Variants in CYP27A1 observed in about 807,000 individuals in gnomAD.
CYP27A1 encodes sterol 26-hydroxylase, mitochondrial.
In CYP27A1, 46 loss-of-function variants were observed where a neutral mutation model predicts 58.2. That is an observed-to-expected ratio of 0.79 (90% CI 0.62 to 1.01). CYP27A1 has a LOEUF of 1.01. CYP27A1 is among the 50% of genes least tolerant of loss of function. The pLI is 0.00. For synonymous variants in CYP27A1, 274 were observed against 285.1 expected (o/e 0.96, Z 0.39); for missense variants, 704 against 687.0 (o/e 1.02, Z -0.28).
rs1943401336 is a variant in CYP27A1, at chr2:218,782,413, T to C, written c.231T>C (p.Tyr77=). Residue 77 remains tyrosine (Y), a synonymous_variant, in exon 1 of 9, where the codon TAT becomes TAC. Transcript: ENST00000258415. This position sits in a 1 kb window ranked among gnomAD's most constrained non-coding sequence, Gnocchi z 4.1. ...TCTTTCAGCTGTTCGTTCAAGGCTA[T>C]GCCCTGCAACTGCACCAGTTACAGG... The part of the protein sequence containing the change: ...RFFFQLFVQG[Y]ALQLHQLQVL... 3 of 1,614,220 alleles carry C rather than the reference T, an allele frequency of 1.9e-6. No individual in the cohort carries two copies. The highest frequency in any genetic ancestry group is 2.5e-6 in the Non-Finnish European group (3 of 1,180,028).
chr2:218,789,469 C>A (rs1559386201), intron 1 of CYP27A1, among the ~76,000 whole-genome samples: 2 of 152,212 alleles, frequency 1.3e-5, no homozygotes, highest in East Asian at 3.9e-4. Context: ...AAGTGACATA[C>A]AAAAAATGGA....
Position 218,812,670 on chromosome 2 carries a change from C to G in CYP27A1, c.765C>G (p.Thr255=), listed in dbSNP as rs1431924945. 4 of 1,614,234 alleles carry G rather than the reference C, an allele frequency of 2.5e-6. No homozygotes were observed. Among genetic ancestry groups the G allele is most frequent in the East Asian group, 4.5e-5 (2 of 44,892 alleles). The change falls in exon 4 of 9, where the codon ACC becomes ACG. Residue 255 remains threonine (T), a synonymous_variant. Coordinates refer to ENST00000258415, the MANE Select transcript of CYP27A1 (RefSeq NM_000784.4). Reference sequence around the variant, plus strand: ...TGTTCCAGAACTCACTCTATGCCACCTTCCTCCCCAAGTGGACTCGCCCCG... The same window carrying G: ...TGTTCCAGAACTCACTCTATGCCACGTTCCTCCCCAAGTGGACTCGCCCCG... ...GLMFQNSLYA[T]FLPKWTRPVL...
At position 218,813,038 on chromosome 2, in the gene CYP27A1, T is replaced by G. The variant is rs139944377; in HGVS notation, c.959T>G (p.Leu320Arg). 6.2e-7 allele frequency: 1 copy of G among 1,614,064 alleles called. No homozygotes were observed. Among genetic ancestry groups the G allele is most frequent in the African/African-American group, 1.3e-5 (1 of 74,932 alleles). The change falls in exon 5 of 9, where the codon CTC becomes CGC. Residue 320 changes from leucine to arginine, a missense_variant. Transcript: ENST00000258415. ...CACTTCTTACTGGCCAGTGGACAGC[T>G]CAGTCCTCGGGAGGCCATGGGCAGC... The part of the protein sequence containing the change: ...YLHFLLASGQ[L>R]SPREAMGSLP...
In CYP27A1 at chr2:218,793,427, G is replaced by A. The variant is rs141910246; in HGVS notation, c.255+10990G>A. 3.4e-3 allele frequency among the ~76,000 whole-genome samples: 522 copies of A among 152,238 alleles called. 3 individuals are homozygous for A. Among genetic ancestry groups the A allele is most frequent in the Middle Eastern group, 6.8e-3 (2 of 294 alleles). ...TGTACTCTTTGATAAAGGAGACTCA[G>A]TTTTCCGAACAATCAAAAGACATAA... On this transcript the variant is annotated intron_variant, in intron 1 of 8. Transcript: ENST00000258415.
intron 2 of CYP27A1, among the ~76,000 whole-genome samples, 189 bp downstream of exon 2, chr2:218,809,956 A>C (rs577759944): frequency 3.9e-5 from 6 of 152,284 alleles, no homozygotes; most frequent in African/African-American, 1.4e-4. Flanking sequence ...CCACTAATAA[A>C]TATTAGGTTG....
intron 1 of CYP27A1, among the ~76,000 whole-genome samples, chr2:218,785,097 G>T (rs1208761386): frequency 6.6e-6 from 1 of 152,320 alleles, no homozygotes; most frequent in East Asian, 1.9e-4. Context: ...CCCTGAGCTT[G>T]TTTTCCTGCA....
chr2:218,790,822 C>T (rs190008682), intron 1 of CYP27A1, among the ~76,000 whole-genome samples: 58 of 152,050 alleles, frequency 3.8e-4, no homozygotes, highest in African/African-American at 1.2e-3. Flanking sequence ...CTCAGCCTCC[C>T]GAGTAGCTGG....
In CYP27A1 at chr2:218,782,254, GGCCAGAGCCAAGGCCGCGATCCCT is replaced by G. The variant is rs1188925314; in HGVS notation, c.76_99del (p.Arg26_Ala33del). The G allele has an allele frequency of 1.9e-6, 3 of 1,556,728 alleles. No homozygotes were observed. Among genetic ancestry groups the G allele is most frequent in the Non-Finnish European group, 2.6e-6 (3 of 1,152,052 alleles). On this transcript the variant is annotated inframe_deletion, in exon 1 of 9. Coordinates refer to ENST00000258415, the MANE Select transcript of CYP27A1 (RefSeq NM_000784.4). This position sits in a 1 kb window ranked among gnomAD's most constrained non-coding sequence, Gnocchi z 4.1. Reference sequence around the variant, plus strand: ...CCGGCCGTGGCCTCTGCCCCCACGGGGCCAGAGCCAAGGCCGCGATCCCTGCCGCCCTCCCCTCGGACAAGGCCA... The same window carrying G: ...CCGGCCGTGGCCTCTGCCCCCACGGGGCCGCCCTCCCCTCGGACAAGGCCA...
At chr2:218,803,215 T>A (rs1305699003) in intron 1 of CYP27A1, among the ~76,000 whole-genome samples, 1 of 152,226 alleles carries the variant, frequency 6.6e-6, no homozygotes, top group Non-Finnish European at 1.5e-5. Flanking sequence ...TGCCTTGGCC[T>A]CCCAAAGTGC....
chr2:218,783,287 AAAAAG>A (rs1337720903), intron 1 of CYP27A1, among the ~76,000 whole-genome samples: 3 of 151,948 alleles, frequency 2.0e-5, no homozygotes, highest in African/African-American at 7.2e-5. Context: ...GAAAAAAAGA[AAAAAG>A]AAATCAGCCT....
At position 218,814,759 on chromosome 2, in the gene CYP27A1, T is replaced by A. The variant is rs1165952837; in HGVS notation, c.1476+2T>A. The A allele has an allele frequency of 2.5e-6, 4 of 1,613,650 alleles. No individual in the cohort carries two copies. The African/African-American group carries it at 5.3e-5, about 22-fold the overall frequency. On this transcript the variant is annotated splice_donor_variant, in intron 8 of 8. Coordinates refer to ENST00000258415, the MANE Select transcript of CYP27A1 (RefSeq NM_000784.4). LOFTEE classifies it high-confidence loss of function. The stretch of plus-strand genomic sequence containing the variant: ...GAGATGCAGCTACTCCTCGCAAGGG[T>A]GAGCTGGGAGAGGCTAGTAGGGTGT...
chr2:218,814,530 A>G lies in CYP27A1; in HGVS notation c.1264-15A>G, dbSNP rs1222599594. On this transcript the variant is annotated splice_polypyrimidine_tract_variant and intron_variant, in intron 7 of 8. Coordinates refer to ENST00000258415, the MANE Select transcript of CYP27A1 (RefSeq NM_000784.4). The stretch of plus-strand genomic sequence containing the variant: ...CCGAAGAGAGGCATTCATGCTGCCC[A>G]ATCTTCCTTTATAGACCCAGTTTGT... 6.2e-7 allele frequency: 1 copy of G among 1,613,978 alleles called. No homozygotes were observed. The highest frequency in any genetic ancestry group is 2.2e-5 in the East Asian group (1 of 44,880).
At chr2:218,810,476 T>C (rs1430857039) in intron 2 of CYP27A1, among the ~76,000 whole-genome samples, 2 of 152,158 alleles carry the variant, frequency 1.3e-5, no homozygotes, top group African/African-American at 4.8e-5. Flanking sequence ...GATGATATCA[T>C]ATGCATGCAT....
At chr2:218,803,435 T>A (rs1270755354) in intron 1 of CYP27A1, among the ~76,000 whole-genome samples, 1 of 152,076 alleles carries the variant, frequency 6.6e-6, no homozygotes, top group Non-Finnish European at 1.5e-5. Context: ...AAGTTTTAAA[T>A]TTCTTTTTTG....
intron 5 of CYP27A1, among the ~76,000 whole-genome samples, chr2:218,813,701 G>A (rs1943748849): frequency 6.6e-6 from 1 of 151,998 alleles, no homozygotes; most frequent in African/African-American, 2.4e-5. Flanking sequence ...AAAGTACCGG[G>A]ATTATAGGCA....
chr2:218,791,570 T>C (rs192539725), intron 1 of CYP27A1, among the ~76,000 whole-genome samples: 140 of 152,338 alleles, frequency 9.2e-4, no homozygotes, highest in Non-Finnish European at 1.6e-3. Flanking sequence ...GGATACCGTC[T>C]TCTTCTGGGG....
chr2:218,782,342 C>A lies in CYP27A1; in HGVS notation c.160C>A (p.Gln54Lys). Reference sequence around the variant, plus strand: ...AGCCGGGCCTGGTGTCCGGCGGCGGCAACGGAGCTTAGAGGAGATTCCACG... The same window carrying A: ...AGCCGGGCCTGGTGTCCGGCGGCGGAAACGGAGCTTAGAGGAGATTCCACG... ...PGAGPGVRRR[Q>K]RSLEEIPRLG... Residue 54 changes from glutamine (Q) to lysine (K), a missense_variant, in exon 1 of 9, where the codon CAA becomes AAA. Gln to Lys is a moderately conservative substitution (Grantham distance 53). Transcript: ENST00000258415. The surrounding 1 kb of genome is among the most constrained non-coding windows in gnomAD (Gnocchi z 4.1). The A allele has an allele frequency of 6.2e-7, 1 of 1,613,804 alleles. No homozygotes were observed. The highest frequency in any genetic ancestry group is 2.2e-5 in the East Asian group (1 of 44,868).
At chr2:218,799,424 A>G (rs1943578455) in intron 1 of CYP27A1, among the ~76,000 whole-genome samples, 1 of 152,152 alleles carries the variant, frequency 6.6e-6, no homozygotes, top group African/African-American at 2.4e-5. Context: ...TAAACGTCAC[A>G]CGGTGATATG....
At chr2:218,814,324 G>A (rs1406838284) in intron 6 of CYP27A1, 56 bp from the exon 7 acceptor site, 4 of 1,601,782 alleles carry the variant, frequency 2.5e-6, no homozygotes, top group African/African-American at 2.7e-5. Context: ...GAAGGAGTGG[G>A]GCACTTTGTA....
Sources: allele counts gnomAD v4.1 joint callset (sites outside exome capture counted in the v4.1 genomes callset), GRCh38; gene constraint gnomAD v4.1.1; non-coding constraint Gnocchi (gnomAD v3.1); transcripts MANE v1.5; gene names NCBI Gene and HGNC (gene_info 2026-07-23, HGNC 2026-07-21).